The following SPOPL variants were observed in gnomAD, a reference collection of about 807,000 sequenced individuals.
SPOPL encodes speckle-type POZ protein-like.
In SPOPL, 23 loss-of-function variants were observed where a neutral mutation model predicts 53.8. The ratio of observed to expected loss-of-function variants is 0.43; its 90% CI spans 0.31 to 0.61. SPOPL has a LOEUF of 0.61. SPOPL is among the 20% of genes least tolerant of loss of function. The probability of loss-of-function intolerance (pLI) is 0.12; values close to 1 mark genes in which losing one functional copy is unlikely to be tolerated. For missense variants in SPOPL, 442 were observed against 466.9 expected, an observed-to-expected ratio of 0.95 and a Z score of 0.49; for synonymous variants, 164 against 149.7, an observed-to-expected ratio of 1.10 and a Z score of -0.70.
At chr2:138,548,411 G>A (rs1040625616) in intron 1 of SPOPL, among the ~76,000 whole-genome samples, 4 of 151,704 alleles carry the variant, frequency 2.6e-5, no homozygotes, top group Non-Finnish European at 5.9e-5. Flanking sequence ...TTAGAAATTG[G>A]TAGCTTGTAT....
intron 1 of SPOPL, among the ~76,000 whole-genome samples, chr2:138,530,356 A>G (rs1206357221): frequency 2.0e-5 from 3 of 152,102 alleles, no homozygotes; most frequent in African/African-American, 7.2e-5. Context: ...CAGTAATGGG[A>G]TTGCTGGGTC....
chr2:138,542,993 G>A (rs1158469345), intron 1 of SPOPL, among the ~76,000 whole-genome samples: 2 of 152,152 alleles, frequency 1.3e-5, no homozygotes, highest in Non-Finnish European at 2.9e-5. Context: ...CTTCACTTAC[G>A]AAGCTTAGCT....
intron 10 of SPOPL, among the ~76,000 whole-genome samples, chr2:138,565,986 G>A (rs1447349101): frequency 6.6e-6 from 1 of 152,000 alleles, no homozygotes; most frequent in East Asian, 1.9e-4. Flanking sequence ...CGCCTGTCTT[G>A]GCCTCCCAAA....
chr2:138,547,945 T>C (rs548020216), intron 1 of SPOPL, among the ~76,000 whole-genome samples: 1 of 152,192 alleles, frequency 6.6e-6, no homozygotes, highest in Non-Finnish European at 1.5e-5. Context: ...TCTTAATGGT[T>C]GCACATTTTC....
intron 1 of SPOPL, among the ~76,000 whole-genome samples, chr2:138,520,685 G>C (rs1272701881): frequency 1.3e-5 from 2 of 152,134 alleles, no homozygotes; most frequent in Non-Finnish European, 2.9e-5. Flanking sequence ...ATGAATAAGA[G>C]AGAAAGAGAG....
At chr2:138,552,510 C>G in intron 4 of SPOPL, 44 bp from the exon 5 acceptor site, 2 of 1,574,644 alleles carry the variant, frequency 1.3e-6, no homozygotes, top group Non-Finnish European at 1.7e-6. Flanking sequence ...TAAAAAGTCT[C>G]TTGGATATTT....
At chr2:138,560,480 A>T (rs1685520461) in intron 7 of SPOPL, among the ~76,000 whole-genome samples, 1 of 151,528 alleles carries the variant, frequency 6.6e-6, no homozygotes, top group Non-Finnish European at 1.5e-5. Flanking sequence ...TAATTGAAAA[A>T]TTGGGGCTCC....
chr2:138,544,545 A>G (rs552852874), intron 1 of SPOPL, among the ~76,000 whole-genome samples: 1 of 152,302 alleles, frequency 6.6e-6, no homozygotes, highest in South Asian at 2.1e-4. Context: ...GGTGCGGCAC[A>G]TAATTTCCTG....
rs1685531184 is a variant in SPOPL at position 138,560,872 on chromosome 2, G to A, written c.782G>A (p.Gly261Glu). 1.2e-6 allele frequency: 2 copies of A among 1,610,858 alleles called. No individual in the cohort carries two copies. Among genetic ancestry groups the A allele is most frequent in the African/African-American group, 1.3e-5 (1 of 74,566 alleles). ...FKEMMRFIYT[G>E]RAPNLDKMAD... Reference sequence around the variant, plus strand: ...GAAATGATGAGATTCATTTACACAGGGAGAGCACCAAACCTTGACAAAATG... The same window carrying A: ...GAAATGATGAGATTCATTTACACAGAGAGAGCACCAAACCTTGACAAAATG... Residue 261 changes from glycine to glutamate, a missense_variant, in exon 8 of 11, where the codon GGG becomes GAG. Transcript: ENST00000280098.
At chr2:138,566,487 A>G (rs982769072) in intron 10 of SPOPL, among the ~76,000 whole-genome samples, 3 of 152,222 alleles carry the variant, frequency 2.0e-5, no homozygotes, top group Non-Finnish European at 4.4e-5. Flanking sequence ...TGTAATTGGT[A>G]TCTATGTGAT....
chr2:138,567,335 A>G (rs527975725), intron 10 of SPOPL, among the ~76,000 whole-genome samples: 1 of 151,502 alleles, frequency 6.6e-6, no homozygotes, highest in East Asian at 1.9e-4. Flanking sequence ...AAAGGAAATG[A>G]GATGCGCAAA....
intron 1 of SPOPL, among the ~76,000 whole-genome samples, chr2:138,548,964 A>G (rs1034646447): frequency 6.6e-6 from 1 of 152,180 alleles, no homozygotes; most frequent in African/African-American, 2.4e-5. Flanking sequence ...AGAAAACAAT[A>G]GTGGTCTGTC....
chr2:138,552,748 A>T, intron 5 of SPOPL, 67 bp downstream of exon 5: 5 of 1,493,064 alleles, frequency 3.3e-6, no homozygotes, highest in Non-Finnish European at 3.6e-6. Flanking sequence ...TATAAACTGG[A>T]TTAATAACAC....
Position 138,569,321 on chromosome 2 carries a change from T to C in SPOPL, c.*241T>C, listed in dbSNP as rs2104910520. On this transcript the variant is annotated 3_prime_UTR_variant, in exon 11 of 11. Transcript: ENST00000280098. ...TCTTCAATGACTTGTCTTGTTCATA[T>C]AATACTTTAATTTTTTTTTATTGTG... 5.1e-6 allele frequency: 2 copies of C among 394,108 alleles called. No individual in the cohort carries two copies. Among genetic ancestry groups the C allele is most frequent in the East Asian group, 8.3e-5 (2 of 24,172 alleles). 24.4% of individuals were successfully genotyped at this position (394,108 alleles called of 1,614,324 possible). A position where few individuals can be genotyped will look rare whatever the true frequency, so the allele number is the denominator to read the frequency against.
chr2:138,531,249 T>TG (rs1428400390), intron 1 of SPOPL, among the ~76,000 whole-genome samples: 2 of 152,104 alleles, frequency 1.3e-5, no homozygotes, highest in Non-Finnish European at 2.9e-5. Context: ...TGTCTTTTCT[T>TG]GTAGTGGTTA....
intron 1 of SPOPL, among the ~76,000 whole-genome samples, chr2:138,548,696 G>A (rs1253519227): frequency 6.6e-6 from 1 of 151,826 alleles, no homozygotes; most frequent in Non-Finnish European, 1.5e-5. Context: ...AGTTATATGT[G>A]CTATATACAT....
intron 8 of SPOPL, among the ~76,000 whole-genome samples, chr2:138,563,202 G>A (rs1157440979): frequency 1.3e-5 from 2 of 152,180 alleles, no homozygotes; most frequent in Non-Finnish European, 2.9e-5. Flanking sequence ...TTCTAGTCAA[G>A]CATGGTGGCT....
At chr2:138,561,082 A>T (rs181882031) in intron 8 of SPOPL, among the ~76,000 whole-genome samples, 155 bp downstream of exon 8, 21 of 151,906 alleles carry the variant, frequency 1.4e-4, no homozygotes, top group Admixed American at 1.2e-3. Flanking sequence ...TGGAAATGAA[A>T]TTTTTTTTTA....
Position 138,550,679 on chromosome 2 carries a change from C to T in SPOPL, c.200+75C>T, listed in dbSNP as rs1685295189. On this transcript the variant is annotated intron_variant, in intron 3 of 10. Transcript: ENST00000280098. ...CATCAGCTGCTCATGATTTTGTTAT[C>T]ATTTTTCCTGAATGAGTATTAATGT... 3 of 1,530,650 alleles carry T rather than the reference C, an allele frequency of 2.0e-6. No individual in the cohort carries two copies. In the Admixed American group the frequency reaches 6.3e-5, roughly 32 times the overall value. The allele number at this position is 1,530,650 out of a possible 1,614,324, so 94.8% of individuals were successfully genotyped here. A position where few individuals can be genotyped will look rare whatever the true frequency, so the allele number is the denominator to read the frequency against.
Sources: gnomAD v4.1 joint callset for allele counts (sites outside exome capture counted in the v4.1 genomes callset) on GRCh38, gnomAD v4.1.1 for gene constraint, MANE v1.5 for transcripts, NCBI Gene and HGNC (gene_info 2026-07-23, HGNC 2026-07-21) for gene names.